Variants in RBMS3 observed in about 807,000 individuals in gnomAD.
The protein encoded by RBMS3 is RNA-binding motif, single-stranded-interacting protein 3.
A neutral mutation model predicts 66.8 loss-of-function variants in RBMS3; 27 were observed. The ratio of observed to expected loss-of-function variants is 0.40; its 90% CI spans 0.30 to 0.56. The LOEUF is 0.56. Ranked by LOEUF, RBMS3 falls within the 20% of genes least tolerant of loss-of-function variation. The pLI is 0.40. For synonymous variants in RBMS3, 188 were observed against 183.0 expected, an observed-to-expected ratio of 1.03 and a Z score of -0.22; for missense variants, 513 against 549.5, an observed-to-expected ratio of 0.93 and a Z score of 0.66.
chr3:30,009,042 A>AAAT lies in RBMS3; in HGVS notation c.*5185_*5187dup, dbSNP rs1199084232. 5 of 152,208 alleles carry AAAT rather than the reference A, an allele frequency of 3.3e-5. No individual in the cohort carries two copies. The highest frequency in any genetic ancestry group is 5.9e-5 in the Non-Finnish European group (4 of 67,962). The allele number at this position is 152,208 out of a possible 1,614,324, so 9.4% of individuals were successfully genotyped here. A position where few individuals can be genotyped will look rare whatever the true frequency, so the allele number is the denominator to read the frequency against. ...CATTTCTGTTTATTTTTGTGAGGGAAAATAATATATCAAGAAAATTTTCTT... is the reference window on the plus strand; with the variant it reads ...CATTTCTGTTTATTTTTGTGAGGGAAAATAATAATATATCAAGAAAATTTTCTT... On this transcript the variant is annotated 3_prime_UTR_variant, in exon 15 of 15. Transcript: ENST00000383767.
chr3:29,488,371 T>C (rs1575982131), intron 2 of RBMS3, 70 bp from the exon 3 acceptor site: 1 of 1,344,016 alleles, frequency 7.4e-7, no homozygotes, highest in Non-Finnish European at 1.1e-6. Flanking sequence ...GCCCCGATGT[T>C]CATTAGAGTG....
intron 1 of RBMS3, among the ~76,000 whole-genome samples, chr3:29,392,102 G>A (rs1446602306): frequency 2.0e-5 from 3 of 151,718 alleles, no homozygotes; most frequent in Non-Finnish European, 4.4e-5. Flanking sequence ...ATACAAAACT[G>A]AGCCAGGCAT....
intron 1 of RBMS3, among the ~76,000 whole-genome samples, chr3:29,381,007 C>G (rs1490787140): frequency 6.6e-6 from 1 of 152,128 alleles, no homozygotes; most frequent in African/African-American, 2.4e-5. Flanking sequence ...GGTGTTAAAT[C>G]TTCTCTCCTG....
At chr3:29,990,050 C>G (rs190530055) in intron 13 of RBMS3, among the ~76,000 whole-genome samples, 8 of 152,164 alleles carry the variant, frequency 5.3e-5, no homozygotes, top group Non-Finnish European at 7.4e-5. Flanking sequence ...TATAAATATA[C>G]TCTGATATAT....
intron 3 of RBMS3, among the ~76,000 whole-genome samples, chr3:29,547,025 G>C (rs2045980168): frequency 6.6e-6 from 1 of 151,920 alleles, no homozygotes; most frequent in Non-Finnish European, 1.5e-5. Context: ...ACCCAGGCTG[G>C]AGTGCAATAG....
intron 1 of RBMS3, among the ~76,000 whole-genome samples, chr3:29,378,965 T>C (rs188282734): frequency 2.0e-5 from 3 of 152,246 alleles, no homozygotes; most frequent in African/African-American, 7.2e-5. Flanking sequence ...GAAACAAGTC[T>C]GCTGACTTAA....
chr3:29,720,696 C>CTGTGTGTGTGTGTGTGTGTGTG (rs201802434), intron 4 of RBMS3, among the ~76,000 whole-genome samples: 11 of 147,608 alleles, frequency 7.5e-5, no homozygotes, highest in East Asian at 2.0e-4. Context: ...CTGTAAGAAT[C>CTGTGTGTGTGTGTGTGTGTGTG]TGTGTGTGTG....
chr3:29,865,887 T>C (rs923956577), intron 6 of RBMS3, among the ~76,000 whole-genome samples: 14 of 152,094 alleles, frequency 9.2e-5, no homozygotes, highest in African/African-American at 3.4e-4. Flanking sequence ...TGATTTCTAA[T>C]TCAGTATTGT....
intron 1 of RBMS3, among the ~76,000 whole-genome samples, chr3:29,336,945 C>T (rs1023065889): frequency 1.3e-5 from 2 of 152,060 alleles, no homozygotes; most frequent in African/African-American, 4.8e-5. Context: ...ACTTCTAATA[C>T]TCTTTGGTCT....
chr3:29,942,279 GA>G (rs1003136430), intron 11 of RBMS3, among the ~76,000 whole-genome samples: 1 of 151,760 alleles, frequency 6.6e-6, no homozygotes, highest in Non-Finnish European at 1.5e-5. Context: ...AGCACTTTGG[GA>G]AGCTGAGGCA....
At chr3:29,868,269 A>G (rs2059408217) in intron 6 of RBMS3, among the ~76,000 whole-genome samples, 1 of 152,056 alleles carries the variant, frequency 6.6e-6, no homozygotes, top group Non-Finnish European at 1.5e-5. Context: ...ATGTGGGTTC[A>G]CTTAACATTA....
chr3:29,308,759 A>ACC (rs769322198), intron 1 of RBMS3, among the ~76,000 whole-genome samples: 1 of 10,506 alleles, frequency 9.5e-5, no homozygotes, highest in African/African-American at 2.7e-4. Flanking sequence ...AAAAAAACAA[A>ACC]AAAAAAAACG....
chr3:29,302,836 A>G (rs978275128), intron 1 of RBMS3, among the ~76,000 whole-genome samples: 2 of 151,958 alleles, frequency 1.3e-5, no homozygotes, highest in African/African-American at 4.8e-5. Flanking sequence ...TTGCCTGTCT[A>G]TTTCTTTATC....
intron 4 of RBMS3, among the ~76,000 whole-genome samples, chr3:29,646,671 CTT>C (rs367778935): frequency 6.9e-6 from 1 of 144,564 alleles, no homozygotes; most frequent in Non-Finnish European, 1.5e-5. Flanking sequence ...ATTTTTTCTC[CTT>C]TTTTTTTTTC....
At chr3:29,594,492 T>A (rs2047874536) in intron 4 of RBMS3, among the ~76,000 whole-genome samples, 1 of 152,208 alleles carries the variant, frequency 6.6e-6, no homozygotes, top group East Asian at 1.9e-4. Flanking sequence ...ACTGATGCAA[T>A]GTAATGTAAA....
intron 9 of RBMS3, among the ~76,000 whole-genome samples, chr3:29,898,583 C>T (rs3773120): frequency 0.26 from 39,661 of 151,444 alleles, 5,285 homozygotes; most frequent in African/African-American, 0.27. Context: ...ATTCTTGAAA[C>T]ATATCCGTGG....
chr3:29,953,783 C>T (rs1695844546), intron 12 of RBMS3, among the ~76,000 whole-genome samples: 1 of 151,854 alleles, frequency 6.6e-6, no homozygotes, highest in African/African-American at 2.4e-5. Context: ...TATGCTCCTT[C>T]AGCTGTTTTA....
chr3:29,765,442 G>A (rs939396837), intron 6 of RBMS3, among the ~76,000 whole-genome samples: 1 of 151,924 alleles, frequency 6.6e-6, no homozygotes, highest in Admixed American at 6.6e-5. Flanking sequence ...TTTAGAGAGT[G>A]TGTCTTTGCT....
chr3:29,769,420 T>A (rs1180578765), intron 6 of RBMS3, among the ~76,000 whole-genome samples: 1 of 151,938 alleles, frequency 6.6e-6, no homozygotes, highest in East Asian at 1.9e-4. Flanking sequence ...ACATCCAATG[T>A]GTGAATGCCT....
Sources: gnomAD v4.1 joint callset for allele counts (sites outside exome capture counted in the v4.1 genomes callset) on GRCh38, gnomAD v4.1.1 for gene constraint, MANE v1.5 for transcripts, NCBI Gene and HGNC (gene_info 2026-07-23, HGNC 2026-07-21) for gene names.